USP34: variants seen among roughly 807,000 people sequenced by gnomAD.
The protein encoded by USP34 is ubiquitin specific peptidase 34, also known as ubiquitin carboxyl-terminal hydrolase 34.
A neutral mutation model predicts 460.3 loss-of-function variants in USP34; 70 were observed. The observed-to-expected ratio is 0.15, with a 90% CI of 0.13 to 0.19. The LOEUF (loss-of-function observed/expected upper bound fraction) is 0.19. USP34 is among the 10% of genes least tolerant of loss of function. USP34 has a pLI of 1.00. For synonymous variants in USP34, 1,647 were observed against 1,405.3 expected (o/e 1.17, Z -3.85); for missense variants, 3,985 against 4,236.2 (o/e 0.94, Z 1.65).
intron 76 of USP34, 30 bp downstream of exon 76, chr2:61,192,871 G>A: frequency 6.3e-7 from 1 of 1,584,996 alleles, no homozygotes; most frequent in Non-Finnish European, 8.6e-7. Flanking sequence ...TAAGATTAAA[G>A]ACCAATCATC....
intron 21 of USP34, among the ~76,000 whole-genome samples, chr2:61,325,122 G>C (rs1024045319): frequency 2.2e-4 from 34 of 151,958 alleles, no homozygotes; most frequent in Admixed American, 1.3e-4. Context: ...CAGGATAAGG[G>C]ATGAAAAATA....
intron 22 of USP34, among the ~76,000 whole-genome samples, chr2:61,318,928 T>C (rs568456808): frequency 6.6e-6 from 1 of 152,350 alleles, no homozygotes; most frequent in East Asian, 1.9e-4. Flanking sequence ...GTTATTGTAA[T>C]TGTTGAATTA....
At chr2:61,196,831 C>G (rs112209608) in intron 75 of USP34, among the ~76,000 whole-genome samples, 1 of 152,128 alleles carries the variant, frequency 6.6e-6, no homozygotes, top group East Asian at 1.9e-4. Context: ...TCACATCCAG[C>G]TAAATATAAA....
intron 1 of USP34, among the ~76,000 whole-genome samples, chr2:61,435,573 T>C (rs187642519): frequency 4.1e-4 from 63 of 152,206 alleles, no homozygotes; most frequent in Non-Finnish European, 2.8e-4. Context: ...CATCAGTAGA[T>C]TGCCTTATAA....
chr2:61,270,602 A>G (rs1479578278), intron 41 of USP34, among the ~76,000 whole-genome samples: 1 of 151,872 alleles, frequency 6.6e-6, no homozygotes, highest in Non-Finnish European at 1.5e-5. Flanking sequence ...TGCCTGGCTA[A>G]TTTTTGTATT....
At position 61,280,301 on chromosome 2, in the gene USP34, C is replaced by A; in HGVS notation, c.5199G>T (p.Glu1733Asp). 1 of 1,559,160 alleles carries A rather than the reference C, an allele frequency of 6.4e-7. No individual in the cohort carries two copies. Among genetic ancestry groups the A allele is most frequent in the South Asian group, 1.3e-5 (1 of 79,576 alleles). Residue 1733 changes from glutamate (E) to aspartate (D), a missense_variant, in exon 39 of 80, where the codon GAG (glutamate) becomes GAT (aspartate). By Grantham distance (45) the Glu-to-Asp change is conservative (BLOSUM62 2). Coordinates refer to ENST00000398571, the MANE Select transcript of USP34 (RefSeq NM_014709.4). ...CTAATTTGCATAACAACCAAAAATACTCTTTACATCCTGGTTTTAATATTG... is the reference window on the plus strand; with the variant it reads ...CTAATTTGCATAACAACCAAAAATAATCTTTACATCCTGGTTTTAATATTG... ...EEPILKPGCK[E>D]YFWLLCKLVD... is the part of the protein sequence containing the mutation.
intron 1 of USP34, among the ~76,000 whole-genome samples, chr2:61,452,225 T>A (rs1444014526): frequency 6.7e-6 from 1 of 149,172 alleles, no homozygotes; most frequent in Admixed American, 6.7e-5. Flanking sequence ...TAATCTTGAG[T>A]GGGAATGACC....
intron 1 of USP34, among the ~76,000 whole-genome samples, chr2:61,440,653 G>A (rs994926155): frequency 1.8e-4 from 28 of 151,492 alleles, no homozygotes; most frequent in Non-Finnish European, 3.2e-4. Context: ...AAGTAGCTGG[G>A]ATTAAAGGCG....
chr2:61,408,569 T>C (rs1226286553), intron 2 of USP34, among the ~76,000 whole-genome samples: 1 of 152,146 alleles, frequency 6.6e-6, no homozygotes, highest in Non-Finnish European at 1.5e-5. Flanking sequence ...TTAACAGCTT[T>C]TTCCTTTGAT....
At chr2:61,392,215 C>T (rs1693370200) in intron 5 of USP34, among the ~76,000 whole-genome samples, 1 of 152,092 alleles carries the variant, frequency 6.6e-6, no homozygotes, top group Admixed American at 6.6e-5. Context: ...ACCTTTAGTC[C>T]CAGGTACTTG....
intron 67 of USP34, among the ~76,000 whole-genome samples, chr2:61,220,035 C>G (rs1005754586): frequency 1.3e-5 from 2 of 151,018 alleles, no homozygotes; most frequent in African/African-American, 4.9e-5. Context: ...ACAGGATTTT[C>G]AAACCTTTTT....
At chr2:61,223,427 C>G (rs1486821975) in intron 62 of USP34, 131 bp from the exon 63 acceptor site, 1 of 936,246 alleles carries the variant, frequency 1.1e-6, no homozygotes, top group African/African-American at 1.7e-5. Context: ...TGATTTTTTG[C>G]TAGCTACATT....
At chr2:61,312,598 C>T (rs540426870) in intron 25 of USP34, among the ~76,000 whole-genome samples, 1 of 151,806 alleles carries the variant, frequency 6.6e-6, no homozygotes, top group Non-Finnish European at 1.5e-5. Context: ...GTCTAATTTC[C>T]ACATGATCCA....
chr2:61,294,262 C>A (rs903486196), intron 32 of USP34, among the ~76,000 whole-genome samples: 3 of 151,568 alleles, frequency 2.0e-5, no homozygotes, highest in African/African-American at 7.3e-5. Flanking sequence ...AGGAGAATCG[C>A]GTGAACCTGG....
At chr2:61,190,855 T>C (rs759911866) in intron 76 of USP34, 197 bp from the exon 77 acceptor site, 9 of 561,964 alleles carry the variant, frequency 1.6e-5, no homozygotes, top group Non-Finnish European at 2.4e-5. Flanking sequence ...AGTAAAATGT[T>C]ACTAATTTAG....
Position 61,278,459 on chromosome 2 carries a change from A to C in USP34, c.5257-16T>G. 1 of 1,496,382 alleles carries C rather than the reference A, an allele frequency of 6.7e-7. No individual in the cohort carries two copies. Among genetic ancestry groups the C allele is most frequent in the Non-Finnish European group, 8.9e-7 (1 of 1,123,602 alleles). 92.7% of individuals were successfully genotyped at this position (1,496,382 alleles called of 1,614,324 possible). A position where few individuals can be genotyped will look rare whatever the true frequency, so the allele number is the denominator to read the frequency against. ...GGAGCGTTGTCTTAATACAAAAAGA[A>C]AATAAAAATTCAAATATAAATTTTT... On this transcript the variant is annotated splice_polypyrimidine_tract_variant and intron_variant, in intron 39 of 79. Coordinates refer to ENST00000398571, the MANE Select transcript of USP34 (RefSeq NM_014709.4).
At chr2:61,370,454 T>C (rs754987476) in intron 9 of USP34, 41 bp from the exon 10 acceptor site, 1 of 1,613,012 alleles carries the variant, frequency 6.2e-7, no homozygotes, top group Middle Eastern at 1.7e-4. Context: ...AAAAATATTC[T>C]TCTCTATCAA....
chr2:61,469,063 C>T (rs1408477612), intron 1 of USP34, among the ~76,000 whole-genome samples: 1 of 152,010 alleles, frequency 6.6e-6, no homozygotes, highest in Admixed American at 6.6e-5. Context: ...AAAAATCAGC[C>T]GGGCATGGTG....
intron 23 of USP34, among the ~76,000 whole-genome samples, chr2:61,316,929 C>T (rs1356335129): frequency 6.6e-6 from 1 of 152,022 alleles, no homozygotes; most frequent in Non-Finnish European, 1.5e-5. Context: ...ATTCTTTTTC[C>T]TTTTTAAAAA....
Sources: gnomAD v4.1 joint callset for allele counts (sites outside exome capture counted in the v4.1 genomes callset) on GRCh38, gnomAD v4.1.1 for gene constraint, MANE v1.5 for transcripts, NCBI Gene and HGNC (gene_info 2026-07-23, HGNC 2026-07-21) for gene names.